The following NR2F1-AS1 variants were observed in gnomAD, a reference collection of about 807,000 sequenced individuals.
NR2F1-AS1 encodes the protein NR2F1 antisense RNA 1.
intron 4 of NR2F1-AS1, among the ~76,000 whole-genome samples, chr5:93,495,733 T>A (rs1009678783): frequency 5.3e-5 from 8 of 152,120 alleles, no homozygotes; most frequent in Non-Finnish European, 1.2e-4. Context: ...GATTTGTATA[T>A]CATATACACA....
At chr5:93,569,405 A>T (rs1752691740) in intron 1 of NR2F1-AS1, among the ~76,000 whole-genome samples, 1 of 152,186 alleles carries the variant, frequency 6.6e-6, no homozygotes, top group Admixed American at 6.5e-5. Flanking sequence ...AGCTTTTTGC[A>T]CTGCTGCACT....
At chr5:93,534,026 G>A (rs1751786620) in intron 4 of NR2F1-AS1, among the ~76,000 whole-genome samples, 1 of 152,140 alleles carries the variant, frequency 6.6e-6, no homozygotes, top group Admixed American at 6.6e-5. Flanking sequence ...GAGCTGTAGT[G>A]AGCCGACATT....
intron 4 of NR2F1-AS1, among the ~76,000 whole-genome samples, chr5:93,499,624 A>G (rs1751037128): frequency 6.6e-6 from 1 of 152,102 alleles, no homozygotes; most frequent in Admixed American, 6.6e-5. Flanking sequence ...CTATTCCCAG[A>G]CACAACATAT....
At chr5:93,507,420 C>T (rs1221642488) in intron 4 of NR2F1-AS1, among the ~76,000 whole-genome samples, 1 of 152,064 alleles carries the variant, frequency 6.6e-6, no homozygotes, top group Admixed American at 6.6e-5. Context: ...TGCAATGGCA[C>T]GATCTCGGCT....
intron 4 of NR2F1-AS1, among the ~76,000 whole-genome samples, chr5:93,522,017 C>T (rs1751510642): frequency 6.6e-6 from 1 of 152,126 alleles, no homozygotes; most frequent in Non-Finnish European, 1.5e-5. Context: ...TCATGGAATA[C>T]TATGCAGCCA....
rs571229956 is a variant in NR2F1-AS1, at chr5:93,430,072, C to T, written n.639-34530G>A. Reference sequence around the variant, plus strand: ...GTTTCATGAAATCAAGAGTAGTCCTCGACAATTAATTTTTGCAGTCAATGG... The same window carrying T: ...GTTTCATGAAATCAAGAGTAGTCCTTGACAATTAATTTTTGCAGTCAATGG... On this transcript the variant is annotated intron_variant and non_coding_transcript_variant, in intron 4 of 5. Transcript: ENST00000660523. 7.9e-5 allele frequency among the ~76,000 whole-genome samples: 12 copies of T among 152,184 alleles called. 1 individual carries two copies. The South Asian group carries it at 1.9e-3, about 24-fold the overall frequency.
intron 4 of NR2F1-AS1, among the ~76,000 whole-genome samples, chr5:93,420,314 G>A (rs374196818): frequency 9.8e-5 from 15 of 152,310 alleles, no homozygotes; most frequent in East Asian, 7.7e-4. Context: ...CAGATAGAAC[G>A]AGCATGGCAG....
At chr5:93,574,448 C>T (rs1322625903) in intron 1 of NR2F1-AS1, among the ~76,000 whole-genome samples, 1 of 152,174 alleles carries the variant, frequency 6.6e-6, no homozygotes, top group African/African-American at 2.4e-5. Context: ...CCCTTGTTCA[C>T]ACATCCAGTC....
At chr5:93,472,257 T>C (rs983327223) in intron 4 of NR2F1-AS1, among the ~76,000 whole-genome samples, 14 of 151,968 alleles carry the variant, frequency 9.2e-5, no homozygotes, top group Admixed American at 6.5e-4. Flanking sequence ...CTGTAAAGCA[T>C]TAAATAAATA....
rs571385328 is a variant in NR2F1-AS1 at position 93,472,633 on chromosome 5, T to G, written n.639-77091A>C. On this transcript the variant is annotated intron_variant and non_coding_transcript_variant, in intron 4 of 5. Transcript: ENST00000660523. ...GGTAGAAAAATCTGTGGGTTGTTTT[T>G]GGGGGTGAAGAGATATTCACATATA... Among the ~76,000 whole-genome samples the G allele has an allele frequency of 1.8e-4, 28 of 151,864 alleles. No individual in the cohort carries two copies. The South Asian group carries it at 5.8e-3, about 31-fold the overall frequency.
chr5:93,578,420 T>C (rs761002327), intron 1 of NR2F1-AS1, among the ~76,000 whole-genome samples: 20 of 151,618 alleles, frequency 1.3e-4, no homozygotes, highest in Non-Finnish European at 2.9e-4. Context: ...ACACTAAAGA[T>C]CTAGTGTGCA....
intron 4 of NR2F1-AS1, among the ~76,000 whole-genome samples, chr5:93,488,947 A>G (rs1200935965): frequency 1.3e-5 from 2 of 152,190 alleles, no homozygotes; most frequent in Admixed American, 1.3e-4. Flanking sequence ...TGTCCTTTGC[A>G]GTGACATGGA....
At chr5:93,427,447 A>G (rs1749217922) in intron 4 of NR2F1-AS1, among the ~76,000 whole-genome samples, 1 of 152,200 alleles carries the variant, frequency 6.6e-6, no homozygotes, top group African/African-American at 2.4e-5. Context: ...CGGGAGCACT[A>G]AACCAATCTA....
intron 2 of NR2F1-AS1, among the ~76,000 whole-genome samples, chr5:93,559,379 G>A (rs1193902902): frequency 6.6e-6 from 1 of 152,150 alleles, no homozygotes; most frequent in Admixed American, 6.5e-5. Context: ...CTAATATTGT[G>A]GCTGGTTTGA....
At chr5:93,478,219 C>T (rs1750527294) in intron 4 of NR2F1-AS1, among the ~76,000 whole-genome samples, 1 of 152,098 alleles carries the variant, frequency 6.6e-6, no homozygotes, top group South Asian at 2.1e-4. Context: ...GAATCTATGT[C>T]AGCAATAAGA....
At chr5:93,511,970 T>C (rs1213517269) in intron 4 of NR2F1-AS1, among the ~76,000 whole-genome samples, 2 of 152,168 alleles carry the variant, frequency 1.3e-5, no homozygotes, top group African/African-American at 2.4e-5. Flanking sequence ...TGATATATAG[T>C]ACATAGTACT....
intron 4 of NR2F1-AS1, among the ~76,000 whole-genome samples, chr5:93,500,620 T>G (rs769905926): frequency 2.6e-5 from 4 of 152,174 alleles, no homozygotes; most frequent in African/African-American, 4.8e-5. Flanking sequence ...CAAGGAGTAA[T>G]TTTGACTTTC....
chr5:93,478,266 CAT>C (rs1042891224), intron 4 of NR2F1-AS1, among the ~76,000 whole-genome samples: 73 of 152,300 alleles, frequency 4.8e-4, no homozygotes, highest in African/African-American at 1.5e-3. Context: ...TCTCAGTTCA[CAT>C]GTTACAATGA....
chr5:93,538,092 G>T (rs1751874938), intron 4 of NR2F1-AS1, among the ~76,000 whole-genome samples: 1 of 152,160 alleles, frequency 6.6e-6, no homozygotes, highest in Admixed American at 6.5e-5. Flanking sequence ...GCCCTGAGCT[G>T]CAGGGATGGA....
Sources: allele counts gnomAD v4.1 joint callset (sites outside exome capture counted in the v4.1 genomes callset), GRCh38; gene constraint gnomAD v4.1.1; transcripts MANE v1.5; gene names NCBI Gene and HGNC (gene_info 2026-07-23, HGNC 2026-07-21).